GCH1: variants seen among roughly 807,000 people sequenced by gnomAD.
GCH1 encodes the protein GTP cyclohydrolase I.
In GCH1, 5 loss-of-function variants were observed where a neutral mutation model predicts 25.9. The observed-to-expected ratio is 0.19, with a 90% CI of 0.10 to 0.41. The LOEUF (loss-of-function observed/expected upper bound fraction) is 0.41, where lower values mean the gene tolerates loss of function less well. Among genes scored for constraint, GCH1 ranks in the 10% least tolerant of loss-of-function variants. The pLI is 1.00. For synonymous variants in GCH1, 159 were observed against 129.6 expected (o/e 1.23, Z -1.54); for missense variants, 261 against 336.5 (o/e 0.78, Z 1.75).
intron 4 of GCH1, among the ~76,000 whole-genome samples, chr14:54,846,231 T>G (rs2039639601): frequency 6.6e-6 from 1 of 152,242 alleles, no homozygotes; most frequent in Non-Finnish European, 1.5e-5. Flanking sequence ...ACAAAGGGGC[T>G]GCAGTCCAAT....
At chr14:54,880,326 T>C (rs2140097984) in intron 1 of GCH1, among the ~76,000 whole-genome samples, 1 of 146,606 alleles carries the variant, frequency 6.8e-6, no homozygotes, top group East Asian at 2.0e-4. Flanking sequence ...CATACAGTCT[T>C]GTATATGTGA....
chr14:54,847,594 GCTC>G (rs2140044395), intron 3 of GCH1, among the ~76,000 whole-genome samples: 1 of 152,132 alleles, frequency 6.6e-6, no homozygotes, highest in East Asian at 1.9e-4. Context: ...GGCTCTCCTT[GCTC>G]CTCAAGCTTG....
rs548540150 is a variant in GCH1, at chr14:54,850,483, GT to G, written c.510-3354del. ...ACCCGCCACCACATCCAGCTAATTT[GT>G]TTTTTTTTTTAATTATTATTATACT... On this transcript the variant is annotated intron_variant, in intron 3 of 5. Coordinates refer to ENST00000491895, the MANE Select transcript of GCH1 (RefSeq NM_000161.3). Among the ~76,000 whole-genome samples the G allele has an allele frequency of 6.4e-3, 926 of 144,226 alleles. 3 individuals are homozygous for G. Among genetic ancestry groups the G allele is most frequent in the African/African-American group, 0.022 (856 of 39,520 alleles). 94.6% of individuals were successfully genotyped at this position (144,226 alleles called of 152,430 possible). A position where few individuals can be genotyped will look rare whatever the true frequency, so the allele number is the denominator to read the frequency against.
intron 1 of GCH1, among the ~76,000 whole-genome samples, chr14:54,866,724 C>T (rs1475854308): frequency 3.3e-5 from 5 of 152,096 alleles, no homozygotes; most frequent in Non-Finnish European, 7.4e-5. Context: ...GAATAGGGGG[C>T]TCACAGAGAC....
intron 3 of GCH1, among the ~76,000 whole-genome samples, chr14:54,848,841 GT>G (rs1329406008): frequency 6.6e-6 from 1 of 152,086 alleles, no homozygotes; most frequent in East Asian, 1.9e-4. Flanking sequence ...GAAAGGAATG[GT>G]TTTTAAGCTC....
At chr14:54,844,380 T>C (rs143639989) in intron 5 of GCH1, among the ~76,000 whole-genome samples, 47 of 152,370 alleles carry the variant, frequency 3.1e-4, no homozygotes, top group African/African-American at 1.1e-3. Context: ...GTTCTTGAAG[T>C]TGTCTTGCAA....
At chr14:54,856,538 C>T (rs955946012) in intron 3 of GCH1, among the ~76,000 whole-genome samples, 17 of 152,130 alleles carry the variant, frequency 1.1e-4, no homozygotes, top group Non-Finnish European at 2.1e-4. Flanking sequence ...CTGCAACCTC[C>T]GCCTCCCAGG....
At chr14:54,860,775 G>C (rs929591813) in intron 2 of GCH1, among the ~76,000 whole-genome samples, 1 of 152,042 alleles carries the variant, frequency 6.6e-6, no homozygotes, top group African/African-American at 2.4e-5. Context: ...TCCTGACCTT[G>C]TGATCTGCCC....
rs550019096 is a variant in GCH1 at position 54,855,127 on chromosome 14, G to T, written c.509+4554C>A. 5.9e-5 allele frequency among the ~76,000 whole-genome samples: 9 copies of T among 152,306 alleles called. No homozygotes were observed. In the South Asian group the frequency reaches 1.7e-3, roughly 28 times the overall value. On this transcript the variant is annotated intron_variant, in intron 3 of 5. Coordinates refer to ENST00000491895, the MANE Select transcript of GCH1 (RefSeq NM_000161.3). ...GGTTAAATGAATTGTATTAATCAAA[G>T]AAATATTAGGTAGCTATGAAAAGAA...
chr14:54,901,401 C>T (rs945105057), intron 1 of GCH1, among the ~76,000 whole-genome samples: 3 of 152,142 alleles, frequency 2.0e-5, no homozygotes, highest in African/African-American at 4.8e-5. Context: ...GCTTCTCTGG[C>T]CAACAGGCAG....
chr14:54,859,809 TA>T (rs1441176520), intron 2 of GCH1, 73 bp from the exon 3 acceptor site: 2 of 812,574 alleles, frequency 2.5e-6, no homozygotes, highest in Admixed American at 3.5e-5. Flanking sequence ...TAAGGAAATA[TA>T]GAAAGAATAT....
chr14:54,872,197 A>G (rs1419765996), intron 1 of GCH1, among the ~76,000 whole-genome samples: 1 of 152,206 alleles, frequency 6.6e-6, no homozygotes, highest in African/African-American at 2.4e-5. Context: ...AATATTCAAC[A>G]TTCTTAAAGA....
chr14:54,856,077 T>A (rs1289018424), intron 3 of GCH1, among the ~76,000 whole-genome samples: 1 of 152,186 alleles, frequency 6.6e-6, no homozygotes, highest in African/African-American at 2.4e-5. Context: ...TCACTTACTC[T>A]TACTTCCATC....
At chr14:54,856,667 G>A (rs2039816121) in intron 3 of GCH1, among the ~76,000 whole-genome samples, 1 of 152,130 alleles carries the variant, frequency 6.6e-6, no homozygotes, top group Non-Finnish European at 1.5e-5. Flanking sequence ...TGGCCAGGCT[G>A]GTCTGGAACT....
rs1361472755 is a variant in GCH1 at position 54,902,637 on chromosome 14, C to G, written c.27G>C (p.Pro9=). The G allele has an allele frequency of 6.7e-6, 10 of 1,484,024 alleles. No homozygotes were observed. The highest frequency in any genetic ancestry group is 8.9e-6 in the Non-Finnish European group (10 of 1,121,562). 91.9% of individuals were successfully genotyped at this position (1,484,024 alleles called of 1,614,324 possible). The change falls in exon 1 of 6, where the codon CCG becomes CCC. Residue 9 remains proline (P), a synonymous_variant. Coordinates refer to ENST00000491895, the MANE Select transcript of GCH1 (RefSeq NM_000161.3). Reference sequence around the variant, plus strand: ...ACCTGGCGCCCCGCGGCTTCTCCGCCGGTGCCCGCACAGGGCCCTTCTCCA... The same window carrying G: ...ACCTGGCGCCCCGCGGCTTCTCCGCGGGTGCCCGCACAGGGCCCTTCTCCA... MEKGPVRA[P]AEKPRGARCS...
At chr14:54,877,639 G>A (rs757038590) in intron 1 of GCH1, among the ~76,000 whole-genome samples, 59 of 152,124 alleles carry the variant, frequency 3.9e-4, no homozygotes, top group Non-Finnish European at 7.8e-4. Context: ...GATTACAGGC[G>A]CAAGCCACCA....
In GCH1 at chr14:54,843,219, A is replaced by G; in HGVS notation, c.*798T>C. 1 of 1,433,084 alleles carries G rather than the reference A, an allele frequency of 7.0e-7. No homozygotes were observed. The highest frequency in any genetic ancestry group is 9.1e-7 in the Non-Finnish European group (1 of 1,099,388). The allele number at this position is 1,433,084 out of a possible 1,614,324, so 88.8% of individuals were successfully genotyped here. On this transcript the variant is annotated 3_prime_UTR_variant, in exon 6 of 6. Transcript: ENST00000491895. Reference sequence around the variant, plus strand: ...AAAACTGAGCTGACTAGTTATTTGCAGTGTGAGTACTAAGTCTCATAAAAT... The same window carrying G: ...AAAACTGAGCTGACTAGTTATTTGCGGTGTGAGTACTAAGTCTCATAAAAT...
intron 1 of GCH1, among the ~76,000 whole-genome samples, chr14:54,881,399 CCT>C (rs2040270674): frequency 6.6e-6 from 1 of 152,072 alleles, no homozygotes; most frequent in African/African-American, 2.4e-5. Flanking sequence ...CTTTCTACCA[CCT>C]GTTTGAAAAA....
chr14:54,891,191 C>G (rs921408355), intron 1 of GCH1, among the ~76,000 whole-genome samples: 6 of 152,136 alleles, frequency 3.9e-5, no homozygotes, highest in Non-Finnish European at 5.9e-5. Context: ...CAACCTTCGG[C>G]TCCCAAGTTC....
Sources: gnomAD v4.1 joint callset for allele counts (sites outside exome capture counted in the v4.1 genomes callset) on GRCh38, gnomAD v4.1.1 for gene constraint, MANE v1.5 for transcripts, NCBI Gene and HGNC (gene_info 2026-07-23, HGNC 2026-07-21) for gene names.